FLNB: variants seen among roughly 807,000 people sequenced by gnomAD.
FLNB encodes the protein filamin B, also known as filamin-B.
A neutral mutation model predicts 250.6 loss-of-function variants in FLNB; 111 were observed. The ratio of observed to expected loss-of-function variants is 0.44; its 90% confidence interval spans 0.38 to 0.52. The LOEUF is 0.52. Ranked by LOEUF, FLNB falls within the 20% of genes least tolerant of loss-of-function variation. The pLI is 0.00. For synonymous variants in FLNB, 1,302 were observed against 1,372.1 expected (o/e 0.95, Z 1.13); for missense variants, 2,869 against 3,447.8 (o/e 0.83, Z 4.20).
intron 42 of FLNB, among the ~76,000 whole-genome samples, chr3:58,162,018 T>A (rs1180050922): frequency 3.3e-5 from 5 of 152,174 alleles, no homozygotes; most frequent in Non-Finnish European, 4.4e-5. Context: ...AAGAAGGATT[T>A]TTCCCTGATC....
intron 1 of FLNB, among the ~76,000 whole-genome samples, chr3:58,031,469 G>C (rs1057434835): frequency 6.7e-6 from 1 of 149,872 alleles, no homozygotes; most frequent in African/African-American, 2.5e-5. Context: ...GTCTCAATCT[G>C]CTGACCTTGT....
chr3:58,009,411 G>A (rs1219329140), intron 1 of FLNB, among the ~76,000 whole-genome samples: 1 of 152,176 alleles, frequency 6.6e-6, no homozygotes, highest in Non-Finnish European at 1.5e-5. Flanking sequence ...TGGAATGGGT[G>A]TGGGCCCCGA....
chr3:58,122,487 C>T (rs1291993189), intron 20 of FLNB, among the ~76,000 whole-genome samples: 4 of 137,616 alleles, frequency 2.9e-5, no homozygotes, highest in East Asian at 3.3e-4. Flanking sequence ...AGTGAGATTC[C>T]GTCCCCTCCA....
At chr3:58,163,553 C>T (rs2097365128) in intron 43 of FLNB, 1 of 575,182 alleles carries the variant, frequency 1.7e-6, no homozygotes. Context: ...TATCACACCT[C>T]ATTACTGTTA....
chr3:58,066,336 C>T (rs1366643472), intron 1 of FLNB, among the ~76,000 whole-genome samples: 5 of 151,780 alleles, frequency 3.3e-5, no homozygotes, highest in Non-Finnish European at 7.4e-5. Flanking sequence ...TCTCCTGCCT[C>T]GGCCTTCTGA....
At chr3:58,028,820 C>T (rs1054160442) in intron 1 of FLNB, among the ~76,000 whole-genome samples, 4 of 151,468 alleles carry the variant, frequency 2.6e-5, no homozygotes, top group Non-Finnish European at 4.4e-5. Context: ...TTCACCATGT[C>T]GATCAGGCTG....
chr3:58,159,751 G>T (rs762337666), intron 42 of FLNB, 65 bp downstream of exon 42: 152 of 1,570,528 alleles, frequency 9.7e-5, no homozygotes, highest in Non-Finnish European at 6.6e-5. Context: ...TCCTGTAAAT[G>T]TGTGTCCCAA....
chr3:58,083,776 G>A (rs963706975), intron 4 of FLNB, among the ~76,000 whole-genome samples: 1 of 152,130 alleles, frequency 6.6e-6, no homozygotes, highest in Non-Finnish European at 1.5e-5. Flanking sequence ...ACCATTTGAG[G>A]TTCCGTTTGC....
chr3:58,158,450 C>T (rs971088212), intron 41 of FLNB, among the ~76,000 whole-genome samples: 1 of 152,190 alleles, frequency 6.6e-6, no homozygotes, highest in Non-Finnish European at 1.5e-5. Context: ...TGGGCCAGTT[C>T]TTGGACCTCA....
intron 1 of FLNB, among the ~76,000 whole-genome samples, chr3:58,054,861 A>G (rs2097167821): frequency 1.3e-5 from 2 of 152,168 alleles, no homozygotes; most frequent in African/African-American, 4.8e-5. Flanking sequence ...ATAAAGTTTT[A>G]TTGGAACATA....
At chr3:58,050,962 A>G (rs2097161404) in intron 1 of FLNB, among the ~76,000 whole-genome samples, 1 of 152,232 alleles carries the variant, frequency 6.6e-6, no homozygotes, top group Admixed American at 6.5e-5. Context: ...GGTAGCTGAT[A>G]TTGCCTGGGC....
chr3:58,170,864 AC>A lies in FLNB; in HGVS notation c.*106del. Reference sequence around the variant, plus strand: ...CCTCCAGCCTGTTTGTGGGGCTGAAACCCCATCCCTAAAATATTGCTGTTGT... The same window carrying A: ...CCTCCAGCCTGTTTGTGGGGCTGAAACCCATCCCTAAAATATTGCTGTTGT... On this transcript the variant is annotated 3_prime_UTR_variant, in exon 46 of 46. Transcript: ENST00000295956. 1.9e-6 allele frequency: 2 copies of A among 1,051,222 alleles called. No individual in the cohort carries two copies. Among genetic ancestry groups the A allele is most frequent in the Non-Finnish European group, 2.9e-6 (2 of 695,220 alleles). The allele number at this position is 1,051,222 out of a possible 1,614,324, so 65.1% of individuals were successfully genotyped here.
intron 26 of FLNB, among the ~76,000 whole-genome samples, chr3:58,133,388 A>G (rs1442587632): frequency 7.4e-6 from 1 of 134,434 alleles, no homozygotes; most frequent in Non-Finnish European, 1.5e-5. Flanking sequence ...CTTGAGCCCA[A>G]GAGTTTGAGG....
chr3:58,083,510 G>T (rs1245372773), intron 4 of FLNB, among the ~76,000 whole-genome samples: 1 of 151,838 alleles, frequency 6.6e-6, no homozygotes, highest in African/African-American at 2.4e-5. Flanking sequence ...GGGATTACAG[G>T]CATCCACCAC....
intron 2 of FLNB, chr3:58,078,431 A>G: frequency 6.5e-7 from 1 of 1,535,090 alleles, no homozygotes; most frequent in Non-Finnish European, 8.7e-7. Flanking sequence ...GCTTTTTCCA[A>G]GCTTTGTTTA....
At chr3:58,098,646 C>T in intron 7 of FLNB, 65 bp from the exon 8 acceptor site, 2 of 1,518,588 alleles carry the variant, frequency 1.3e-6, no homozygotes, top group South Asian at 1.1e-5. Context: ...TTGCATTTTG[C>T]ACTCAGCAGC....
chr3:58,143,519 G>A lies in FLNB; in HGVS notation c.5331G>A (p.Val1777=). The A allele has an allele frequency of 6.2e-7, 1 of 1,614,134 alleles. No individual in the cohort carries two copies. Among genetic ancestry groups the A allele is most frequent in the Non-Finnish European group, 8.5e-7 (1 of 1,180,012 alleles). The change falls in exon 32 of 46, where the codon GTG becomes GTA. Residue 1777 remains valine (V), a synonymous_variant. Transcript: ENST00000295956. ...GGAAGACAGCCACACCTGAGATTGT[G>A]GACAACAAGGACGGCACGGTCACTG... ...PSGKTATPEI[V]DNKDGTVTVR... is the part of the protein sequence containing the mutation.
chr3:58,141,789 G>A, intron 29 of FLNB, 69 bp from the exon 30 acceptor site: 2 of 1,386,466 alleles, frequency 1.4e-6, no homozygotes, highest in Non-Finnish European at 2.1e-6. Flanking sequence ...AAGCAGCTCT[G>A]TGGTGGTAGT....
At chr3:58,010,996 C>T (rs2097097790) in intron 1 of FLNB, among the ~76,000 whole-genome samples, 2 of 152,180 alleles carry the variant, frequency 1.3e-5, no homozygotes, top group South Asian at 2.1e-4. Flanking sequence ...CTCACTGCAA[C>T]CTCCACCTCC....
Sources: gnomAD v4.1 joint callset for allele counts (sites outside exome capture counted in the v4.1 genomes callset) on GRCh38, gnomAD v4.1.1 for gene constraint, MANE v1.5 for transcripts, NCBI Gene and HGNC (gene_info 2026-07-23, HGNC 2026-07-21) for gene names.